The following ZNF804A variants were observed in gnomAD, a reference collection of about 807,000 sequenced individuals.
The protein encoded by ZNF804A is zinc finger protein 804A.
Under a neutral mutation model 16.5 loss-of-function variants are expected in ZNF804A, and 2 were observed. That is an observed-to-expected ratio of 0.12 (90% confidence interval 0.05 to 0.38). The LOEUF is 0.38. Among genes scored for constraint, ZNF804A ranks in the 10% least tolerant of loss-of-function variants. ZNF804A has a pLI of 0.99. For synonymous variants in ZNF804A, 534 were observed against 489.6 expected (o/e 1.09, Z -1.20); for missense variants, 1,473 against 1,390.7 (o/e 1.06, Z -0.94).
intron 1 of ZNF804A, among the ~76,000 whole-genome samples, chr2:184,824,063 A>T (rs1350030764): frequency 6.6e-6 from 1 of 152,102 alleles, no homozygotes; most frequent in Non-Finnish European, 1.5e-5. Context: ...AGATCAATAG[A>T]TACGCCCGGA....
intron 1 of ZNF804A, among the ~76,000 whole-genome samples, chr2:184,744,665 A>G (rs1693760728): frequency 6.6e-6 from 1 of 151,946 alleles, no homozygotes; most frequent in African/African-American, 2.4e-5. Context: ...AGCAAACCAA[A>G]CAAAGTAAGA....
chr2:184,904,895 T>G (rs79925518), intron 2 of ZNF804A, among the ~76,000 whole-genome samples: 2,848 of 152,206 alleles, frequency 0.019, 69 homozygotes, highest in African/African-American at 0.065. Context: ...ACATTAAGTA[T>G]TATCTATTTA....
chr2:184,639,494 G>A (rs558368326), intron 1 of ZNF804A, among the ~76,000 whole-genome samples: 15 of 151,912 alleles, frequency 9.9e-5, no homozygotes, highest in South Asian at 4.2e-4. Flanking sequence ...CAGTTTCCTC[G>A]CTCCATTTGA....
intron 1 of ZNF804A, among the ~76,000 whole-genome samples, chr2:184,769,870 C>A (rs1694185406): frequency 6.6e-6 from 1 of 152,010 alleles, no homozygotes; most frequent in South Asian, 2.1e-4. Flanking sequence ...TATTAACAAC[C>A]TTCAAGAAAG....
chr2:184,917,747 T>C (rs1685473106), intron 2 of ZNF804A, among the ~76,000 whole-genome samples: 1 of 151,612 alleles, frequency 6.6e-6, no homozygotes, highest in Admixed American at 6.6e-5. Context: ...AGGCATCCAC[T>C]GGGGCTTTTG....
In ZNF804A at chr2:184,677,310, G is replaced by A. The variant is rs539404200; in HGVS notation, c.111+78240G>A. On this transcript the variant is annotated intron_variant, in intron 1 of 3. Transcript: ENST00000302277. ...GTCGTCATCACATCCAGGCCATATAGTAATATCTAGAGGATAAAGAGAGAT... is the reference window on the plus strand; with the variant it reads ...GTCGTCATCACATCCAGGCCATATAATAATATCTAGAGGATAAAGAGAGAT... 8.6e-5 allele frequency among the ~76,000 whole-genome samples: 13 copies of A among 151,990 alleles called. 1 individual carries two copies. In the South Asian group the frequency reaches 2.7e-3, roughly 31 times the overall value.
intron 1 of ZNF804A, among the ~76,000 whole-genome samples, chr2:184,770,859 A>G (rs1694199332): frequency 6.6e-6 from 1 of 152,032 alleles, no homozygotes. Context: ...TTCTGAATAT[A>G]TAAATATTAG....
intron 1 of ZNF804A, among the ~76,000 whole-genome samples, chr2:184,722,114 G>A (rs1245869158): frequency 6.6e-6 from 1 of 151,826 alleles, no homozygotes; most frequent in Non-Finnish European, 1.5e-5. Context: ...TATGGGTTGG[G>A]GGGGATGAAG....
intron 2 of ZNF804A, among the ~76,000 whole-genome samples, chr2:184,932,830 T>A (rs145552569): frequency 6.6e-6 from 1 of 152,308 alleles, no homozygotes; most frequent in South Asian, 2.1e-4. Flanking sequence ...ATGTTCGAGT[T>A]GGCATGCTGT....
intron 1 of ZNF804A, among the ~76,000 whole-genome samples, chr2:184,720,418 T>C (rs1200803389): frequency 4.6e-5 from 7 of 152,106 alleles, no homozygotes; most frequent in Non-Finnish European, 8.8e-5. Flanking sequence ...AATTGCAGGA[T>C]ACAAAATCAA....
intron 1 of ZNF804A, among the ~76,000 whole-genome samples, chr2:184,700,801 C>T (rs1287861199): frequency 6.6e-6 from 1 of 151,878 alleles, no homozygotes; most frequent in African/African-American, 2.4e-5. Context: ...AATTTATAAA[C>T]AGTAAGTGAA....
At chr2:184,905,655 C>T (rs1685259772) in intron 2 of ZNF804A, among the ~76,000 whole-genome samples, 1 of 152,002 alleles carries the variant, frequency 6.6e-6, no homozygotes, top group Non-Finnish European at 1.5e-5. Context: ...GTTACTTTTC[C>T]TTGAACTGAA....
At chr2:184,856,468 G>C (rs146986012) in intron 1 of ZNF804A, among the ~76,000 whole-genome samples, 121 of 152,036 alleles carry the variant, frequency 8.0e-4, no homozygotes, top group African/African-American at 2.5e-3. Context: ...AAGTATTCTG[G>C]GGTTGCTACT....
chr2:184,667,393 A>G (rs1229727497), intron 1 of ZNF804A, among the ~76,000 whole-genome samples: 1 of 151,890 alleles, frequency 6.6e-6, no homozygotes, highest in Non-Finnish European at 1.5e-5. Context: ...CTTATTATTC[A>G]TTTGACCTAG....
rs768687292 is a variant in ZNF804A, at chr2:184,937,689, T to A, written c.2293T>A (p.Ser765Thr). Residue 765 changes from serine to threonine, a missense_variant, in exon 4 of 4, where the codon TCA (serine) becomes ACA (threonine). Transcript: ENST00000302277. ...AGGTTACAATTCTGTCATGAATGAA[T>A]CAGAAAGATTCTATCGAAAACGTAG... ...KRGYNSVMNESERFYRKRRQH... is the reference protein window; with the variant it reads ...KRGYNSVMNETERFYRKRRQH... 4 of 1,614,050 alleles carry A rather than the reference T, an allele frequency of 2.5e-6. No homozygotes were observed. In the South Asian group the frequency reaches 4.4e-5, roughly 18 times the overall value.
intron 2 of ZNF804A, among the ~76,000 whole-genome samples, chr2:184,911,593 C>G (rs1244108761): frequency 3.3e-5 from 5 of 151,396 alleles, no homozygotes; most frequent in Non-Finnish European, 7.4e-5. Context: ...TATTGATTTT[C>G]TAATTCATGA....
chr2:184,732,209 T>A (rs1001653411), intron 1 of ZNF804A, among the ~76,000 whole-genome samples: 1 of 151,576 alleles, frequency 6.6e-6, no homozygotes, highest in Non-Finnish European at 1.5e-5. Flanking sequence ...GGACTCTATT[T>A]GATTTAATTT....
Position 184,936,630 on chromosome 2 carries a change from C to T in ZNF804A, c.1234C>T (p.His412Tyr). Residue 412 changes from histidine to tyrosine, a missense_variant, in exon 4 of 4, where the codon CAT (histidine) becomes TAT (tyrosine). Coordinates refer to ENST00000302277, the MANE Select transcript of ZNF804A (RefSeq NM_194250.2). ...TACTGAAGAGGTTAACATAACTATA[C>T]ATAAGAAAACAAATTTCTGCAAAAG... is the stretch of plus-strand genomic sequence containing the variant. Reference protein sequence around the residue: ...SNTEEVNITIHKKTNFCKRQC... With the variant: ...SNTEEVNITIYKKTNFCKRQC... The T allele has an allele frequency of 6.2e-7, 1 of 1,613,994 alleles. No homozygotes were observed.
At chr2:184,685,463 C>T (rs898254780) in intron 1 of ZNF804A, among the ~76,000 whole-genome samples, 2 of 152,046 alleles carry the variant, frequency 1.3e-5, no homozygotes, top group Non-Finnish European at 2.9e-5. Flanking sequence ...TTCAGTCCCC[C>T]CTTTTGTAGG....
Sources: gnomAD v4.1 joint callset for allele counts (sites outside exome capture counted in the v4.1 genomes callset) on GRCh38, gnomAD v4.1.1 for gene constraint, MANE v1.5 for transcripts, NCBI Gene and HGNC (gene_info 2026-07-23, HGNC 2026-07-21) for gene names.